CARF: variants seen among roughly 807,000 people sequenced by gnomAD.
CARF encodes calcium-responsive transcription factor.
In CARF, 57 loss-of-function variants were observed where a neutral mutation model predicts 82.0. The ratio of observed to expected loss-of-function variants is 0.70; its 90% CI spans 0.56 to 0.87. The LOEUF (loss-of-function observed/expected upper bound fraction) is 0.87. Among genes scored for constraint, CARF ranks in the 40% least tolerant of loss-of-function variants. The probability of loss-of-function intolerance (pLI) is 0.00; values close to 1 mark genes in which losing one functional copy is unlikely to be tolerated. For missense variants in CARF, 771 were observed against 855.8 expected (o/e 0.90, Z 1.24); for synonymous variants, 268 against 290.1 (o/e 0.92, Z 0.77).
rs1246053530 is a variant in CARF at position 202,985,865 on chromosome 2, A to G, written c.*2241A>G. 1 of 152,154 alleles carries G rather than the reference A, an allele frequency of 6.6e-6. No homozygotes were observed. Among genetic ancestry groups the G allele is most frequent in the African/African-American group, 2.4e-5 (1 of 41,456 alleles). 9.4% of individuals were successfully genotyped at this position (152,154 alleles called of 1,614,324 possible). A position where few individuals can be genotyped will look rare whatever the true frequency, so the allele number is the denominator to read the frequency against. ...ATTTGCAAAGGAGAAATGCTTGTTA[A>G]TATACAAACTCTAGTCAGTTACCTG... is the stretch of plus-strand genomic sequence containing the variant. On this transcript the variant is annotated 3_prime_UTR_variant, in exon 17 of 17. Transcript: ENST00000438828.
Position 202,955,726 on chromosome 2 carries a change from C to A in CARF, c.610C>A (p.Pro204Thr). 6.2e-7 allele frequency: 1 copy of A among 1,612,038 alleles called. No individual in the cohort carries two copies. Among genetic ancestry groups the A allele is most frequent in the Non-Finnish European group, 8.5e-7 (1 of 1,178,852 alleles). ...GPLQPLSSNT[P>T]IWACRLRSCE... ...TCTTCAGCCACTTTCTTCTAATACA[C>A]CTATATGGGCCTGCCGTCTTAGGAG... The change falls in exon 8 of 17, where the codon CCT (proline) becomes ACT (threonine). Residue 204 changes from proline to threonine, a missense_variant. Transcript: ENST00000438828.
chr2:202,974,457 T>C lies in CARF; in HGVS notation c.1455T>C (p.Asn485=). 1 of 1,607,232 alleles carries C rather than the reference T, an allele frequency of 6.2e-7. No individual in the cohort carries two copies. Among genetic ancestry groups the C allele is most frequent in the South Asian group, 1.1e-5 (1 of 89,268 alleles). ...ATGAGGTACAGAAATCCTTGAGAAA[T>C]GGAGATACGGTATATAACTCAGAGA... ...HIHEVQKSLR[N]GDTVYNSEII... is the part of the protein sequence containing the mutation. The change falls in exon 13 of 17, where the codon AAT becomes AAC. Residue 485 remains asparagine, a synonymous_variant. Transcript: ENST00000438828.
chr2:202,934,950 G>A (rs77415837), intron 3 of CARF, among the ~76,000 whole-genome samples: 18 of 151,222 alleles, frequency 1.2e-4, no homozygotes, highest in Non-Finnish European at 2.2e-4. Flanking sequence ...GGTGGTGTGC[G>A]CCAGTAGTGC....
chr2:202,929,424 C>A (rs762111466), intron 3 of CARF, among the ~76,000 whole-genome samples: 7 of 152,108 alleles, frequency 4.6e-5, no homozygotes, highest in African/African-American at 1.7e-4. Context: ...TTCCCAGGAC[C>A]TTTTATCAAA....
At chr2:202,925,347 C>A in intron 3 of CARF, 1 of 317,062 alleles carries the variant, frequency 3.2e-6, no homozygotes, top group South Asian at 3.1e-5. Flanking sequence ...AGCTGTAGTC[C>A]CAGTTCTTGG....
intron 9 of CARF, chr2:202,961,796 G>T: frequency 3.4e-6 from 1 of 297,674 alleles, no homozygotes. Flanking sequence ...TTTGTATTGT[G>T]GGAGAAATTT....
At position 202,952,573 on chromosome 2, in the gene CARF, C is replaced by T; in HGVS notation, c.321C>T (p.Ser107=). ...ATGCTTCCAAGATGATCGTTGCCAG[C>T]CCAACAGAAAATGGACAGGTACTTC... ...ESNAQMMIVA[S]PTENGQVLRV... The change falls in exon 6 of 17, where the codon AGC becomes AGT. Residue 107 remains serine, a synonymous_variant. Transcript: ENST00000438828. The T allele has an allele frequency of 6.2e-7, 1 of 1,613,236 alleles. No individual in the cohort carries two copies. The highest frequency in any genetic ancestry group is 8.5e-7 in the Non-Finnish European group (1 of 1,179,748).
intron 8 of CARF, among the ~76,000 whole-genome samples, chr2:202,956,006 C>T (rs2059019930): frequency 6.6e-6 from 1 of 151,978 alleles, no homozygotes. Flanking sequence ...CCTCGTAGTC[C>T]ATGAAACTTC....
At chr2:202,951,004 A>G (rs2058731588) in intron 5 of CARF, among the ~76,000 whole-genome samples, 1 of 152,082 alleles carries the variant, frequency 6.6e-6, no homozygotes, top group Non-Finnish European at 1.5e-5. Context: ...CTAACATTAA[A>G]TTTTTTAAAA....
intron 3 of CARF, among the ~76,000 whole-genome samples, chr2:202,933,535 C>G (rs1290979081): frequency 1.3e-5 from 2 of 152,152 alleles, no homozygotes; most frequent in African/African-American, 4.8e-5. Flanking sequence ...TCCCTCCTTG[C>G]TGCAGGGAGT....
At chr2:202,979,030 G>A (rs922061063) in intron 14 of CARF, among the ~76,000 whole-genome samples, 1 of 152,290 alleles carries the variant, frequency 6.6e-6, no homozygotes, top group South Asian at 2.1e-4. Context: ...GCCAAGGTAG[G>A]TGGATCATTT....
intron 14 of CARF, among the ~76,000 whole-genome samples, chr2:202,981,330 G>A (rs2060255266): frequency 1.3e-5 from 2 of 152,188 alleles, no homozygotes; most frequent in Admixed American, 1.3e-4. Context: ...CATGCAGTAA[G>A]GCTTGCTTGC....
At chr2:202,961,498 A>G (rs2105884152) in intron 9 of CARF, 72 bp downstream of exon 9, 3 of 1,358,990 alleles carry the variant, frequency 2.2e-6, no homozygotes, top group Non-Finnish European at 3.1e-6. Context: ...TGATTTTCCT[A>G]AGGTGATAAC....
At chr2:202,942,483 A>C in intron 4 of CARF, 2 of 659,022 alleles carry the variant, frequency 3.0e-6, no homozygotes, top group African/African-American at 2.0e-5. Context: ...TTTTATATAC[A>C]GAGAAAAATC....
intron 8 of CARF, among the ~76,000 whole-genome samples, chr2:202,956,133 T>C (rs191642254): frequency 7.9e-4 from 120 of 152,232 alleles, no homozygotes; most frequent in Non-Finnish European, 1.4e-3. Flanking sequence ...CTTTCTGACT[T>C]TGTCTTTTTT....
rs1429149172 is a variant in CARF at position 202,923,082 on chromosome 2, A to C, written c.-162-1215A>C. Among the ~76,000 whole-genome samples the C allele has an allele frequency of 3.3e-5, 5 of 151,764 alleles. No homozygotes were observed. The East Asian group carries it at 9.8e-4, about 30-fold the overall frequency. ...CATGGTGAAACCCCATCTCTACTAA[A>C]AATACAAAATTAGCCAGGTGTGGTG... is the stretch of plus-strand genomic sequence containing the variant. On this transcript the variant is annotated intron_variant, in intron 2 of 16. Coordinates refer to ENST00000438828, the MANE Select transcript of CARF (RefSeq NM_024744.17).
Position 202,945,361 on chromosome 2 carries a change from G to A in CARF, c.306+2394G>A, listed in dbSNP as rs75878990. 6.6e-4 allele frequency among the ~76,000 whole-genome samples: 100 copies of A among 152,108 alleles called. 1 individual carries two copies. The East Asian group carries it at 0.016, about 25-fold the overall frequency. ...TTACTTTAGGTTCGAAGGTACATGC[G>A]AAGGTTTGTTATGTAGGTACACTCA... On this transcript the variant is annotated intron_variant, in intron 5 of 16. Transcript: ENST00000438828.
At position 202,917,928 on chromosome 2, in the gene CARF, C is replaced by T. The variant is rs1056039981; in HGVS notation, c.-278C>T. ...TAAAGCTTTCACATAAATGAAGCTA[C>T]AGCTATCATGATTTAGTGCCCCCAA... On this transcript the variant is annotated 5_prime_UTR_variant, in exon 2 of 17. It introduces an in-frame stop codon into an upstream open reading frame of the 5' UTR. Transcript: ENST00000438828. 7 of 377,182 alleles carry T rather than the reference C, an allele frequency of 1.9e-5. 1 individual carries two copies. Among genetic ancestry groups the T allele is most frequent in the South Asian group, 1.0e-4 (5 of 48,276 alleles). 23.4% of individuals were successfully genotyped at this position (377,182 alleles called of 1,614,324 possible). A position where few individuals can be genotyped will look rare whatever the true frequency, so the allele number is the denominator to read the frequency against.
chr2:202,927,562 GAC>G (rs1009986533), intron 3 of CARF, among the ~76,000 whole-genome samples: 31 of 151,630 alleles, frequency 2.0e-4, no homozygotes, highest in Non-Finnish European at 3.7e-4. Flanking sequence ...ATTTTTAATT[GAC>G]ACATAATTGT....
Sources: allele counts gnomAD v4.1 joint callset (sites outside exome capture counted in the v4.1 genomes callset), GRCh38; gene constraint gnomAD v4.1.1; transcripts MANE v1.5; gene names NCBI Gene and HGNC (gene_info 2026-07-23, HGNC 2026-07-21).